Variants in LHFPL3 observed in about 807,000 individuals in gnomAD.
LHFPL3 encodes LHFPL tetraspan subfamily member 3.
In LHFPL3, 5 loss-of-function variants were observed where a neutral mutation model predicts 19.3. That is an observed-to-expected ratio of 0.26 (90% confidence interval 0.14 to 0.54). LHFPL3 has a LOEUF of 0.54. Ranked by LOEUF, LHFPL3 falls within the 20% of genes least tolerant of loss-of-function variation. The pLI is 0.94. For synonymous variants in LHFPL3, 133 were observed against 126.2 expected (o/e 1.05, Z -0.36); for missense variants, 249 against 307.4 (o/e 0.81, Z 1.42).
At chr7:104,595,765 A>G (rs541131012) in intron 1 of LHFPL3, among the ~76,000 whole-genome samples, 1 of 152,366 alleles carries the variant, frequency 6.6e-6, no homozygotes, top group East Asian at 1.9e-4. Context: ...AGCCTCAGCA[A>G]TGGCAGACGC....
intron 2 of LHFPL3, among the ~76,000 whole-genome samples, chr7:104,884,925 G>A (rs1049906734): frequency 1.3e-5 from 2 of 152,116 alleles, no homozygotes; most frequent in African/African-American, 4.8e-5. Context: ...GGAGTGGGAG[G>A]TGCAAGAGGA....
intron 1 of LHFPL3, among the ~76,000 whole-genome samples, chr7:104,563,700 C>G (rs1388369179): frequency 6.6e-6 from 1 of 152,220 alleles, no homozygotes; most frequent in Non-Finnish European, 1.5e-5. Context: ...GCCATCTTGG[C>G]TCCTCCGGAG....
intron 1 of LHFPL3, among the ~76,000 whole-genome samples, chr7:104,495,027 T>C (rs1436242864): frequency 3.9e-5 from 6 of 152,292 alleles, no homozygotes; most frequent in Non-Finnish European, 8.8e-5. Context: ...TCAAAATCCA[T>C]AGCAAGAAGC....
chr7:104,585,511 A>ACACACACACACC (rs1790556135), intron 1 of LHFPL3, among the ~76,000 whole-genome samples: 1 of 151,182 alleles, frequency 6.6e-6, no homozygotes, highest in Non-Finnish European at 1.5e-5. Context: ...ACACACACAC[A>ACACACACACACC]CACACACACA....
chr7:104,590,750 G>A (rs1435559725), intron 1 of LHFPL3, among the ~76,000 whole-genome samples: 1 of 152,182 alleles, frequency 6.6e-6, no homozygotes, highest in Non-Finnish European at 1.5e-5. Context: ...GGGAGTCTAA[G>A]TCTCTTTGTA....
chr7:104,678,329 A>AT (rs1792631019), intron 1 of LHFPL3, among the ~76,000 whole-genome samples: 1 of 152,190 alleles, frequency 6.6e-6, no homozygotes, highest in South Asian at 2.1e-4. Context: ...GCCCAGAGTA[A>AT]ACAGCACCCC....
chr7:104,701,440 AT>A (rs1793098718), intron 1 of LHFPL3, among the ~76,000 whole-genome samples: 1 of 152,240 alleles, frequency 6.6e-6, no homozygotes, highest in Non-Finnish European at 1.5e-5. Context: ...TACATACTAT[AT>A]TCTTATAATA....
At chr7:104,858,744 CT>C (rs985075939) in intron 2 of LHFPL3, among the ~76,000 whole-genome samples, 1 of 152,116 alleles carries the variant, frequency 6.6e-6, no homozygotes, top group Non-Finnish European at 1.5e-5. Flanking sequence ...CCTACTATTC[CT>C]CCTGAGTTCT....
At chr7:104,845,384 G>A in intron 2 of LHFPL3, 1 of 1,524,408 alleles carries the variant, frequency 6.6e-7, no homozygotes, top group Non-Finnish European at 8.8e-7. Flanking sequence ...ACTCTCAGAT[G>A]ATGGAAATGC....
intron 1 of LHFPL3, among the ~76,000 whole-genome samples, chr7:104,591,821 C>G (rs199990724): frequency 6.6e-6 from 1 of 152,096 alleles, no homozygotes; most frequent in Non-Finnish European, 1.5e-5. Flanking sequence ...TTTCTTTTTA[C>G]TCTTTTTTCT....
At chr7:104,491,033 G>T (rs747662139) in intron 1 of LHFPL3, among the ~76,000 whole-genome samples, 1 of 152,150 alleles carries the variant, frequency 6.6e-6, no homozygotes, top group Non-Finnish European at 1.5e-5. Context: ...TAGATCTCAA[G>T]GGTGCAGGGT....
At chr7:104,543,154 G>A (rs1243412327) in intron 1 of LHFPL3, among the ~76,000 whole-genome samples, 1 of 152,102 alleles carries the variant, frequency 6.6e-6, no homozygotes, top group Non-Finnish European at 1.5e-5. Context: ...GGCCTGACAG[G>A]GGGTGAGGGG....
At chr7:104,781,138 C>A (rs1794709604) in intron 2 of LHFPL3, among the ~76,000 whole-genome samples, 1 of 152,162 alleles carries the variant, frequency 6.6e-6, no homozygotes, top group African/African-American at 2.4e-5. Context: ...AAATAGGTAC[C>A]ATTCCCAAGG....
intron 1 of LHFPL3, among the ~76,000 whole-genome samples, chr7:104,362,253 T>C (rs1790400790): frequency 6.6e-6 from 1 of 152,178 alleles, no homozygotes; most frequent in East Asian, 1.9e-4. Context: ...CTGGGTAACC[T>C]GCAGGCCACT....
intron 2 of LHFPL3, among the ~76,000 whole-genome samples, chr7:104,811,166 C>CTTTTCTTTTCTTTTCT (rs112135860): frequency 5.5e-3 from 100 of 18,082 alleles, no homozygotes; most frequent in Admixed American, 0.011. Context: ...TTCTTTCTTT[C>CTTTTCTTTTCTTTTCT]TTTCTTTTCT....
chr7:104,571,111 T>G (rs1004449244), intron 1 of LHFPL3, among the ~76,000 whole-genome samples: 12 of 152,178 alleles, frequency 7.9e-5, no homozygotes, highest in African/African-American at 2.9e-4. Flanking sequence ...CAGCTTAAAT[T>G]CACCTTGCCT....
chr7:104,465,730 C>T (rs190961095), intron 1 of LHFPL3, among the ~76,000 whole-genome samples: 49 of 152,260 alleles, frequency 3.2e-4, no homozygotes, highest in South Asian at 1.9e-3. Flanking sequence ...CCCACTGGGT[C>T]CCTCCCATGA....
At chr7:104,693,642 C>G (rs538352222) in intron 1 of LHFPL3, among the ~76,000 whole-genome samples, 1 of 152,142 alleles carries the variant, frequency 6.6e-6, no homozygotes, top group East Asian at 1.9e-4. Flanking sequence ...TGTAAGTTTC[C>G]TAAGGCCTCC....
chr7:104,584,426 T>G (rs1213507739), intron 1 of LHFPL3, among the ~76,000 whole-genome samples: 1 of 151,890 alleles, frequency 6.6e-6, no homozygotes, highest in Non-Finnish European at 1.5e-5. Flanking sequence ...ACCTGCACAT[T>G]GTGCACATGT....
Sources: gnomAD v4.1 joint callset for allele counts (sites outside exome capture counted in the v4.1 genomes callset) on GRCh38, gnomAD v4.1.1 for gene constraint, MANE v1.5 for transcripts, NCBI Gene and HGNC (gene_info 2026-07-23, HGNC 2026-07-21) for gene names.